Variants in CAP2 observed in about 807,000 individuals in gnomAD.
CAP2 encodes the protein cyclase associated actin cytoskeleton regulatory protein 2.
Under a neutral mutation model 57.7 loss-of-function variants are expected in CAP2, and 24 were observed. That is an observed-to-expected ratio of 0.42 (90% CI 0.30 to 0.58). CAP2 has a LOEUF of 0.58. Among genes scored for constraint, CAP2 ranks in the 20% least tolerant of loss-of-function variants. The pLI is 0.22. For missense variants in CAP2, 501 were observed against 590.3 expected (o/e 0.85, Z 1.57); for synonymous variants, 194 against 207.2 (o/e 0.94, Z 0.55).
In CAP2 at chr6:17,438,434, T is replaced by TTTTG. The variant is rs201897713; in HGVS notation, c.222+11747_222+11748insGTTT. ...TTGCTTGTTTGACCATCCAGAAGTG[T>TTTTG]TTTTTTTTTTTTTTTTTTTTTTGAG... On this transcript the variant is annotated intron_variant, in intron 3 of 12. Coordinates refer to ENST00000229922, the MANE Select transcript of CAP2 (RefSeq NM_006366.3). Among the ~76,000 whole-genome samples, 69 of 93,246 alleles carry TTTTG rather than the reference T, an allele frequency of 7.4e-4. 2 individuals carry two copies. The highest frequency in any genetic ancestry group is 1.8e-3 in the South Asian group (5 of 2,834). The allele number at this position is 93,246 out of a possible 152,430, so 61.2% of individuals were successfully genotyped here.
chr6:17,403,228 G>T (rs1296664808), intron 1 of CAP2, among the ~76,000 whole-genome samples: 1 of 152,084 alleles, frequency 6.6e-6, no homozygotes, highest in Non-Finnish European at 1.5e-5. Flanking sequence ...CAGCCTCCTG[G>T]CTAGCTGGGA....
At chr6:17,440,095 TAA>T (rs1338446881) in intron 3 of CAP2, among the ~76,000 whole-genome samples, 1 of 151,792 alleles carries the variant, frequency 6.6e-6, no homozygotes, top group Non-Finnish European at 1.5e-5. Context: ...GTTAAAATTA[TAA>T]GTTAGTATTA....
chr6:17,492,722 C>G (rs1009686345), intron 4 of CAP2, among the ~76,000 whole-genome samples: 5 of 152,174 alleles, frequency 3.3e-5, no homozygotes, highest in African/African-American at 1.2e-4. Flanking sequence ...TTCACATAAG[C>G]CTTTTTTACA....
chr6:17,398,537 T>G (rs1301435010), intron 1 of CAP2, among the ~76,000 whole-genome samples: 1 of 151,990 alleles, frequency 6.6e-6, no homozygotes, highest in Non-Finnish European at 1.5e-5. Context: ...ACTTTTTTTT[T>G]TTTTTGAGAC....
intron 5 of CAP2, 32 bp from the exon 6 acceptor site, chr6:17,507,609 T>G: frequency 7.6e-7 from 1 of 1,310,008 alleles, no homozygotes; most frequent in Non-Finnish European, 1.1e-6. Context: ...TTTTTTTCCT[T>G]CTATGCTTGG....
At chr6:17,396,208 T>C (rs73367821) in intron 1 of CAP2, among the ~76,000 whole-genome samples, 4,694 of 152,280 alleles carry the variant, frequency 0.031, 247 homozygotes, top group African/African-American at 0.11. Context: ...CCGATGGGAA[T>C]ATAAGATGGT....
At chr6:17,442,012 A>G (rs552939958) in intron 3 of CAP2, among the ~76,000 whole-genome samples, 1 of 152,198 alleles carries the variant, frequency 6.6e-6, no homozygotes, top group South Asian at 2.1e-4. Flanking sequence ...ATAACTCGTT[A>G]TTGCCTGTAC....
chr6:17,401,701 C>T (rs1758820938), intron 1 of CAP2, among the ~76,000 whole-genome samples: 1 of 152,196 alleles, frequency 6.6e-6, no homozygotes, highest in South Asian at 2.1e-4. Context: ...AATGCAGATC[C>T]ACAATTATTT....
intron 3 of CAP2, among the ~76,000 whole-genome samples, chr6:17,458,121 G>A (rs565833244): frequency 6.6e-6 from 1 of 152,296 alleles, no homozygotes; most frequent in South Asian, 2.1e-4. Flanking sequence ...TGAAATATAT[G>A]TTTTGATACA....
At chr6:17,524,312 C>T (rs1467664253) in intron 7 of CAP2, among the ~76,000 whole-genome samples, 1 of 152,130 alleles carries the variant, frequency 6.6e-6, no homozygotes, top group Non-Finnish European at 1.5e-5. Flanking sequence ...TACTGTGAAG[C>T]TCTAAGTAAA....
intron 4 of CAP2, among the ~76,000 whole-genome samples, chr6:17,493,110 A>G (rs1406253979): frequency 6.6e-6 from 1 of 152,244 alleles, no homozygotes; most frequent in East Asian, 1.9e-4. Context: ...TTAGAGAGGT[A>G]CATTTTATTT....
At chr6:17,465,079 C>T (rs528211428) in intron 4 of CAP2, among the ~76,000 whole-genome samples, 48 of 152,362 alleles carry the variant, frequency 3.2e-4, no homozygotes, top group Admixed American at 1.5e-3. Context: ...GGGTCTGTGG[C>T]ATTCCAGCAT....
chr6:17,523,376 G>A (rs1347852183), intron 7 of CAP2, among the ~76,000 whole-genome samples: 1 of 152,160 alleles, frequency 6.6e-6, no homozygotes, highest in Admixed American at 6.6e-5. Context: ...ACTGCATTGT[G>A]TTTGAGGTGC....
chr6:17,514,456 G>A (rs1168896744), intron 7 of CAP2, among the ~76,000 whole-genome samples: 1 of 151,592 alleles, frequency 6.6e-6, no homozygotes, highest in East Asian at 2.0e-4. Flanking sequence ...AAATAGAAAA[G>A]AAAATGGCTG....
At chr6:17,398,603 C>T (rs1020548255) in intron 1 of CAP2, among the ~76,000 whole-genome samples, 1 of 151,332 alleles carries the variant, frequency 6.6e-6, no homozygotes, top group African/African-American at 2.4e-5. Flanking sequence ...CCTCTCACTG[C>T]AAGCTCTGCC....
rs1309163188 is a variant in CAP2 at position 17,507,329 on chromosome 6, T to C, written c.444+17T>C. On this transcript the variant is annotated intron_variant, in intron 5 of 12. Coordinates refer to ENST00000229922, the MANE Select transcript of CAP2 (RefSeq NM_006366.3). ...ATAGCTGTGGTGAGTCCAGGTGCAA[T>C]GTTGCCTCTTCACCTCATCACACGT... 7 of 1,613,426 alleles carry C rather than the reference T, an allele frequency of 4.3e-6. No homozygotes were observed. The highest frequency in any genetic ancestry group is 1.3e-5 in the African/African-American group (1 of 75,006).
chr6:17,452,258 TAGC>T (rs1760425893), intron 3 of CAP2, among the ~76,000 whole-genome samples: 1 of 152,198 alleles, frequency 6.6e-6, no homozygotes, highest in South Asian at 2.1e-4. Context: ...CAACCACAAA[TAGC>T]AGGCAATCTG....
At chr6:17,420,634 CAGA>C (rs1181653525) in intron 1 of CAP2, among the ~76,000 whole-genome samples, 3 of 152,292 alleles carry the variant, frequency 2.0e-5, no homozygotes, top group East Asian at 3.9e-4. Flanking sequence ...CCACCATTAG[CAGA>C]AGAAGAGCTG....
chr6:17,404,848 T>C (rs981962735), intron 1 of CAP2, among the ~76,000 whole-genome samples: 2 of 152,172 alleles, frequency 1.3e-5, no homozygotes, highest in African/African-American at 2.4e-5. Context: ...TTACATTTTA[T>C]TTATTTCTTT....
Sources: gnomAD v4.1 joint callset for allele counts (sites outside exome capture counted in the v4.1 genomes callset) on GRCh38, gnomAD v4.1.1 for gene constraint, MANE v1.5 for transcripts, NCBI Gene and HGNC (gene_info 2026-07-23, HGNC 2026-07-21) for gene names.